SVOP: variants seen among roughly 807,000 people sequenced by gnomAD.
SVOP encodes SV2 related protein, also known as synaptic vesicle 2-related protein.
A neutral mutation model predicts 69.1 loss-of-function variants in SVOP; 17 were observed. The observed-to-expected ratio is 0.25, with a 90% CI of 0.17 to 0.37. The LOEUF (loss-of-function observed/expected upper bound fraction) is 0.37, where lower values mean the gene tolerates loss of function less well. Ranked by LOEUF, SVOP falls within the 10% of genes least tolerant of loss-of-function variation. The pLI is 1.00. For synonymous variants in SVOP, 238 were observed against 238.6 expected (o/e 1.00, Z 0.02); for missense variants, 435 against 597.5 (o/e 0.73, Z 2.84).
At chr12:109,016,240 G>A (rs766707380) in intron 1 of SVOP, among the ~76,000 whole-genome samples, 3 of 152,214 alleles carry the variant, frequency 2.0e-5, no homozygotes, top group African/African-American at 4.8e-5. Flanking sequence ...GCTTTGGCCC[G>A]AGGCCACCCA....
Position 108,907,744 on chromosome 12 carries a change from C to G in SVOP, c.*4791G>C, listed in dbSNP as rs1180015362. On this transcript the variant is annotated 3_prime_UTR_variant, in exon 16 of 16. Transcript: ENST00000610966. ...AAAGTGCTGGGATTATGGGCATGAG[C>G]CACTGCACCCAGCCAGGACCATGTC... is the stretch of plus-strand genomic sequence containing the variant. 6.6e-6 allele frequency: 1 copy of G among 152,360 alleles called. No homozygotes were observed. Among genetic ancestry groups the G allele is most frequent in the African/African-American group, 2.4e-5 (1 of 41,466 alleles). 9.4% of individuals were successfully genotyped at this position (152,360 alleles called of 1,614,324 possible).
At chr12:108,955,813 C>T (rs1258592892) in intron 6 of SVOP, among the ~76,000 whole-genome samples, 1 of 152,190 alleles carries the variant, frequency 6.6e-6, no homozygotes, top group Non-Finnish European at 1.5e-5. Flanking sequence ...GGGCATTTTA[C>T]AGAATGTTGT....
At chr12:108,915,045 C>T (rs145820820) in intron 15 of SVOP, among the ~76,000 whole-genome samples, 2,952 of 151,222 alleles carry the variant, frequency 0.02, 111 homozygotes, top group African/African-American at 0.067. Flanking sequence ...TGGTGGTGCA[C>T]GCCTGTAATC....
chr12:108,961,092 T>A (rs1322592538), intron 5 of SVOP, 45 bp from the exon 6 acceptor site: 1 of 1,517,280 alleles, frequency 6.6e-7, no homozygotes, highest in Non-Finnish European at 8.8e-7. Context: ...TTTCAGCACC[T>A]CCAGGTAGCG....
In SVOP at chr12:108,946,908, C is replaced by T. The variant is rs751034105; in HGVS notation, c.579-1742G>A. Among the ~76,000 whole-genome samples the T allele has an allele frequency of 2.1e-4, 32 of 151,748 alleles. 1 individual carries two copies. The highest frequency in any genetic ancestry group is 4.8e-4 in the African/African-American group (20 of 41,394). ...TAATTTTTGTATTTTTTGGTAGAGA[C>T]GGGGTTTCACCATGTTGCCCAGGCT... On this transcript the variant is annotated intron_variant, in intron 6 of 15. Transcript: ENST00000610966.
Position 108,937,340 on chromosome 12 carries a change from G to C in SVOP, c.898-3C>G. The C allele has an allele frequency of 6.2e-7, 1 of 1,613,856 alleles. No homozygotes were observed. On this transcript the variant is annotated splice_polypyrimidine_tract_variant and splice_region_variant and intron_variant, in intron 9 of 15. Coordinates refer to ENST00000610966, the MANE Select transcript of SVOP (RefSeq NM_018711.5). Reference sequence around the variant, plus strand: ...TCCCTCATTTTGCCTCGGTCTTCCTGTTTCAAAACAAGGACATAGTGTTTA... The same window carrying C: ...TCCCTCATTTTGCCTCGGTCTTCCTCTTTCAAAACAAGGACATAGTGTTTA...
intron 6 of SVOP, among the ~76,000 whole-genome samples, chr12:108,958,087 T>A (rs2039995217): frequency 6.6e-6 from 1 of 152,176 alleles, no homozygotes; most frequent in Admixed American, 6.5e-5. Context: ...ATTAACTTAT[T>A]TATTTTGCAA....
intron 12 of SVOP, among the ~76,000 whole-genome samples, chr12:108,921,126 G>A (rs1232754532): frequency 6.6e-6 from 1 of 152,128 alleles, no homozygotes; most frequent in African/African-American, 2.4e-5. Context: ...CACAGAAATG[G>A]TGACTGCTTC....
chr12:108,953,218 G>A (rs552396123), intron 6 of SVOP, among the ~76,000 whole-genome samples: 4 of 139,762 alleles, frequency 2.9e-5, no homozygotes, highest in South Asian at 2.2e-4. Flanking sequence ...GCATGAACTC[G>A]GCTCACTGCA....
rs1245188361 is a variant in SVOP at position 108,911,609 on chromosome 12, T to C, written c.*926A>G. ...GGGAGGCTGAGACAGGAGAATTGCTTGAACCCGGGAGGCAGAGTTGCAGTG... is the reference window on the plus strand; with the variant it reads ...GGGAGGCTGAGACAGGAGAATTGCTCGAACCCGGGAGGCAGAGTTGCAGTG... On this transcript the variant is annotated 3_prime_UTR_variant, in exon 16 of 16. Transcript: ENST00000610966. 1.3e-5 allele frequency: 2 copies of C among 152,328 alleles called. No homozygotes were observed. Among genetic ancestry groups the C allele is most frequent in the African/African-American group, 4.8e-5 (2 of 41,406 alleles). The allele number at this position is 152,328 out of a possible 1,614,324, so 9.4% of individuals were successfully genotyped here.
At chr12:108,934,792 G>C (rs969312550) in intron 10 of SVOP, among the ~76,000 whole-genome samples, 1 of 152,156 alleles carries the variant, frequency 6.6e-6, no homozygotes, top group Non-Finnish European at 1.5e-5. Flanking sequence ...GCAACTTCAG[G>C]AAGTTACCCT....
intron 1 of SVOP, among the ~76,000 whole-genome samples, chr12:109,014,231 G>T (rs1279005549): frequency 6.6e-6 from 1 of 152,032 alleles, no homozygotes; most frequent in Non-Finnish European, 1.5e-5. Context: ...GGCCAGGCTG[G>T]TCTTGAACTC....
intron 6 of SVOP, among the ~76,000 whole-genome samples, chr12:108,946,962 T>A (rs1009296114): frequency 6.6e-6 from 1 of 152,002 alleles, no homozygotes; most frequent in African/African-American, 2.4e-5. Flanking sequence ...TCAAGTGATC[T>A]GCCTGCCTCA....
chr12:108,912,259 C>A lies in SVOP; in HGVS notation c.*276G>T. ...TGATTGGTTGCTGGCATTACCAGAC[C>A]CTCCTAATATGGGTAGTCTTCCCAT... On this transcript the variant is annotated 3_prime_UTR_variant, in exon 16 of 16. Transcript: ENST00000610966. 2 of 1,315,840 alleles carry A rather than the reference C, an allele frequency of 1.5e-6. No homozygotes were observed. Among genetic ancestry groups the A allele is most frequent in the Non-Finnish European group, 1.9e-6 (2 of 1,031,068 alleles). 81.5% of individuals were successfully genotyped at this position (1,315,840 alleles called of 1,614,324 possible). A position where few individuals can be genotyped will look rare whatever the true frequency, so the allele number is the denominator to read the frequency against.
intron 1 of SVOP, among the ~76,000 whole-genome samples, chr12:109,013,498 C>G (rs1446407950): frequency 6.6e-6 from 1 of 151,490 alleles, no homozygotes; most frequent in Non-Finnish European, 1.5e-5. Flanking sequence ...TCAAGTGATT[C>G]TTATGCCTCA....
At chr12:109,019,850 G>A (rs2040386851) in intron 1 of SVOP, among the ~76,000 whole-genome samples, 1 of 152,020 alleles carries the variant, frequency 6.6e-6, no homozygotes, top group Admixed American at 6.6e-5. Context: ...AAAGTCACTT[G>A]GGAGAATTCC....
At chr12:108,937,407 G>C in intron 9 of SVOP, 70 bp from the exon 10 acceptor site, 4 of 1,440,042 alleles carry the variant, frequency 2.8e-6, no homozygotes, top group South Asian at 1.1e-5. Context: ...CTGGTGGCCT[G>C]AGACTAGTGC....
chr12:108,917,963 G>A, intron 14 of SVOP, 80 bp downstream of exon 14: 1 of 1,219,984 alleles, frequency 8.2e-7, no homozygotes, highest in Admixed American at 2.7e-5. Flanking sequence ...CTTTTTAATG[G>A]TTTCTGGAAG....
intron 1 of SVOP, among the ~76,000 whole-genome samples, chr12:109,011,428 A>C (rs551716550): frequency 9.8e-5 from 15 of 152,322 alleles, no homozygotes; most frequent in African/African-American, 3.6e-4. Flanking sequence ...GTGAGTGACA[A>C]TGATGCCCTA....
Sources: allele counts gnomAD v4.1 joint callset (sites outside exome capture counted in the v4.1 genomes callset), GRCh38; gene constraint gnomAD v4.1.1; transcripts MANE v1.5; gene names NCBI Gene and HGNC (gene_info 2026-07-23, HGNC 2026-07-21).